VWA3B: variants seen among roughly 807,000 people sequenced by gnomAD.
VWA3B encodes von Willebrand factor A domain containing 3B.
A neutral mutation model predicts 158.3 loss-of-function variants in VWA3B; 138 were observed. That is an observed-to-expected ratio of 0.87 (90% confidence interval 0.76 to 1.00). VWA3B has a LOEUF of 1.00. Ranked by LOEUF, VWA3B falls within the 50% of genes least tolerant of loss-of-function variation. The probability of loss-of-function intolerance (pLI) is 0.00; values close to 1 mark genes in which losing one functional copy is unlikely to be tolerated. For missense variants in VWA3B, 1,555 were observed against 1,565.1 expected (o/e 0.99, Z 0.11); for synonymous variants, 596 against 587.3 (o/e 1.01, Z -0.21).
chr2:98,126,869 C>T (rs879838897), intron 5 of VWA3B, among the ~76,000 whole-genome samples: 3 of 152,016 alleles, frequency 2.0e-5, no homozygotes, highest in Non-Finnish European at 4.4e-5. Flanking sequence ...GCCCCACCCA[C>T]TGCGTCCCAC....
In VWA3B at chr2:98,125,765, G is replaced by T. The variant is rs185281992; in HGVS notation, c.703-2474G>T. 1.3e-5 allele frequency among the ~76,000 whole-genome samples: 2 copies of T among 152,106 alleles called. No individual in the cohort carries two copies. The highest frequency in any genetic ancestry group is 2.9e-5 in the Non-Finnish European group (2 of 68,006). ...TGCAAGCTCCGCCTCCCAGGTTCAC[G>T]CCATTCTCCTGCCTCAGCCTCCCCA... On this transcript the variant is annotated intron_variant, in intron 5 of 27. Transcript: ENST00000477737. This position sits in a 1 kb window ranked among gnomAD's most constrained non-coding sequence, Gnocchi z 4.1.
At chr2:98,228,413 GA>G in intron 15 of VWA3B, 81 bp downstream of exon 15, 1 of 1,447,724 alleles carries the variant, frequency 6.9e-7, no homozygotes. Context: ...TGTCCTTTCT[GA>G]AATGCTCTGT....
At chr2:98,221,686 A>C (rs927292716) in intron 14 of VWA3B, among the ~76,000 whole-genome samples, 1 of 152,142 alleles carries the variant, frequency 6.6e-6, no homozygotes, top group Non-Finnish European at 1.5e-5. Flanking sequence ...TACTAGAGTA[A>C]TATCAGAGGG....
intron 13 of VWA3B, among the ~76,000 whole-genome samples, chr2:98,212,704 A>G (rs1574094737): frequency 6.6e-6 from 1 of 152,242 alleles, no homozygotes; most frequent in African/African-American, 2.4e-5. Context: ...ATTCTAAAAT[A>G]TCCTGTGGCA....
intron 22 of VWA3B, among the ~76,000 whole-genome samples, chr2:98,285,282 G>T (rs1029162166): frequency 5.3e-5 from 8 of 151,946 alleles, no homozygotes; most frequent in Non-Finnish European, 7.4e-5. Flanking sequence ...TAAATAAACG[G>T]CTGGATAATA....
At chr2:98,155,402 A>G (rs561911664) in intron 7 of VWA3B, among the ~76,000 whole-genome samples, 20 of 152,358 alleles carry the variant, frequency 1.3e-4, no homozygotes, top group African/African-American at 4.6e-4. Context: ...ACCCAAGGCC[A>G]GCGTTCCAGT....
chr2:98,118,324 A>G (rs531433609), intron 3 of VWA3B, among the ~76,000 whole-genome samples: 1 of 152,274 alleles, frequency 6.6e-6, no homozygotes, highest in Non-Finnish European at 1.5e-5. Context: ...AGCTTGAGGA[A>G]TGAGGTTGAC....
Position 98,115,716 on chromosome 2 carries a change from C to A in VWA3B, c.261C>A (p.Leu87=). The A allele has an allele frequency of 6.2e-7, 1 of 1,613,482 alleles. No individual in the cohort carries two copies. Among genetic ancestry groups the A allele is most frequent in the Non-Finnish European group, 8.5e-7 (1 of 1,179,990 alleles). The change falls in exon 3 of 28, where the codon CTC becomes CTA. Residue 87 remains leucine, a synonymous_variant. Coordinates refer to ENST00000477737, the MANE Select transcript of VWA3B (RefSeq NM_144992.5). The stretch of plus-strand genomic sequence containing the variant: ...ATGCTGATGGTCTGTTTCCACAGCT[C>A]TACAGAGCAGAAGATGGCAGAGTAT... ...SRYADGLFPQ[L]YRAEDGRVYN...
intron 19 of VWA3B, among the ~76,000 whole-genome samples, chr2:98,240,121 T>C (rs1685979992): frequency 2.0e-5 from 3 of 152,140 alleles, no homozygotes; most frequent in African/African-American, 7.2e-5. Context: ...GGAAACACGT[T>C]GAATAGTTTG....
chr2:98,189,781 CGAT>C (rs1164300476), intron 10 of VWA3B, among the ~76,000 whole-genome samples: 1 of 152,094 alleles, frequency 6.6e-6, no homozygotes, highest in East Asian at 1.9e-4. Flanking sequence ...TATGTTCTCT[CGAT>C]GAACCAACTT....
chr2:98,243,410 T>G (rs1686201826), intron 19 of VWA3B, among the ~76,000 whole-genome samples: 1 of 152,066 alleles, frequency 6.6e-6, no homozygotes, highest in Admixed American at 6.5e-5. Flanking sequence ...CTCTGTTCAC[T>G]GCAACCTCTG....
chr2:98,222,123 G>A (rs1558692598), intron 14 of VWA3B, among the ~76,000 whole-genome samples: 1 of 152,082 alleles, frequency 6.6e-6, no homozygotes, highest in Non-Finnish European at 1.5e-5. Flanking sequence ...GAGGACTGAG[G>A]CTCCACTTCC....
At chr2:98,171,913 G>C (rs1459575805) in intron 8 of VWA3B, among the ~76,000 whole-genome samples, 1 of 152,204 alleles carries the variant, frequency 6.6e-6, no homozygotes, top group Admixed American at 6.5e-5. Flanking sequence ...TGTGATGGGG[G>C]AGTGGCTCGC....
intron 20 of VWA3B, 31 bp from the exon 21 acceptor site, chr2:98,256,093 A>G: frequency 6.2e-7 from 1 of 1,612,068 alleles, no homozygotes; most frequent in East Asian, 2.2e-5. Context: ...GTACTGCTAC[A>G]AAATTATTGT....
At chr2:98,142,107 A>G (rs1573889524) in intron 7 of VWA3B, among the ~76,000 whole-genome samples, 1 of 152,208 alleles carries the variant, frequency 6.6e-6, no homozygotes, top group East Asian at 1.9e-4. Flanking sequence ...GACCCTAGGC[A>G]GTGTTTATGC....
chr2:98,270,887 G>A lies in VWA3B; in HGVS notation c.3045+4G>A, dbSNP rs1272054463. 6.2e-7 allele frequency: 1 copy of A among 1,613,424 alleles called. No individual in the cohort carries two copies. The highest frequency in any genetic ancestry group is 8.5e-7 in the Non-Finnish European group (1 of 1,179,682). ...TGCAAACAAGGCCCCGGGAGAGGTG[G>A]GTGCCCTGGAGGTCTCTGTCTTTCC... On this transcript the variant is annotated splice_donor_region_variant and intron_variant, in intron 22 of 27. Coordinates refer to ENST00000477737, the MANE Select transcript of VWA3B (RefSeq NM_144992.5).
At chr2:98,301,783 A>G (rs1473371730) in intron 25 of VWA3B, among the ~76,000 whole-genome samples, 2 of 152,168 alleles carry the variant, frequency 1.3e-5, no homozygotes, top group Admixed American at 6.5e-5. Flanking sequence ...TAATATATGC[A>G]GCCAATAGTT....
At chr2:98,179,540 GGGA>G (rs2105337858) in intron 8 of VWA3B, among the ~76,000 whole-genome samples, 1 of 152,236 alleles carries the variant, frequency 6.6e-6, no homozygotes, top group South Asian at 2.1e-4. Context: ...GGGGCTTCAG[GGGA>G]GGCAGCCTCC....
intron 22 of VWA3B, 113 bp from the exon 23 acceptor site, chr2:98,290,398 G>A (rs1689415331): frequency 1.3e-6 from 1 of 778,900 alleles, no homozygotes. Flanking sequence ...TTCAACATGA[G>A]ATTTGGATGG....
Sources: allele counts gnomAD v4.1 joint callset (sites outside exome capture counted in the v4.1 genomes callset), GRCh38; gene constraint gnomAD v4.1.1; non-coding constraint Gnocchi (gnomAD v3.1); transcripts MANE v1.5; gene names NCBI Gene and HGNC (gene_info 2026-07-23, HGNC 2026-07-21).